LGSN: variants seen among roughly 807,000 people sequenced by gnomAD.
LGSN encodes lengsin.
LGSN carries 21 observed loss-of-function variants against 19.5 expected under a neutral mutation model. The observed-to-expected ratio is 1.07, with a 90% CI of 0.76 to 1.55. The LOEUF (loss-of-function observed/expected upper bound fraction) is 1.55, where lower values mean the gene tolerates loss of function less well. LGSN is among the 40% of genes most tolerant of loss of function. The pLI is 0.00. For missense variants in LGSN, 673 were observed against 608.5 expected (o/e 1.11, Z -1.12); for synonymous variants, 257 against 215.6 (o/e 1.19, Z -1.68).
intron 1 of LGSN, among the ~76,000 whole-genome samples, chr6:63,316,500 T>C (rs555803653): frequency 1.3e-4 from 20 of 152,280 alleles, no homozygotes; most frequent in Admixed American, 1.3e-3. Flanking sequence ...TAACACCATG[T>C]GATTTTGATA....
chr6:63,522,493 T>G, the LGSN span, among the ~76,000 whole-genome samples: 1 of 152,208 alleles, frequency 6.6e-6, no homozygotes, highest in African/African-American at 2.4e-5. Flanking sequence ...TCGCCAAGAC[T>G]GTATCCATGA....
chr6:63,313,968 GA>G (rs796116531), intron 1 of LGSN, among the ~76,000 whole-genome samples: 2 of 151,732 alleles, frequency 1.3e-5, no homozygotes, highest in Non-Finnish European at 2.9e-5. Context: ...GGAGAGAGTA[GA>G]AAAAAAATAA....
the LGSN span, among the ~76,000 whole-genome samples, chr6:63,335,520 G>A: frequency 6.6e-6 from 1 of 152,064 alleles, no homozygotes; most frequent in South Asian, 2.1e-4. Context: ...TTTCTCAAAA[G>A]AGACATACAA....
chr6:63,470,136 AAAGG>A, the LGSN span, among the ~76,000 whole-genome samples: 23 of 152,030 alleles, frequency 1.5e-4, no homozygotes, highest in South Asian at 4.2e-4. Flanking sequence ...AAAAAGAGAG[AAAGG>A]AAGGAAGGAA....
the LGSN span, among the ~76,000 whole-genome samples, chr6:63,545,610 C>CA: frequency 4.2e-4 from 59 of 141,986 alleles, no homozygotes; most frequent in Admixed American, 6.4e-4. Context: ...GACTCTGTCT[C>CA]AAAAAAAAAA....
the LGSN span, among the ~76,000 whole-genome samples, chr6:63,558,867 G>A: frequency 6.6e-6 from 1 of 152,162 alleles, no homozygotes; most frequent in Non-Finnish European, 1.5e-5. Context: ...ATAAAGATAT[G>A]GAATGAGTTG....
the LGSN span, among the ~76,000 whole-genome samples, chr6:63,401,210 T>G: frequency 1.3e-5 from 2 of 150,484 alleles, no homozygotes; most frequent in South Asian, 4.2e-4. Context: ...CTGGGTAACA[T>G]AGAGAGACCT....
At chr6:63,306,490 C>T (rs940090806) in intron 1 of LGSN, among the ~76,000 whole-genome samples, 2 of 152,144 alleles carry the variant, frequency 1.3e-5, no homozygotes, top group Non-Finnish European at 2.9e-5. Flanking sequence ...ACCAGTTTAA[C>T]CTTCATTAGT....
At chr6:63,540,104 T>A in the LGSN span, among the ~76,000 whole-genome samples, 7 of 152,088 alleles carry the variant, frequency 4.6e-5, no homozygotes, top group Non-Finnish European at 4.4e-5. Flanking sequence ...TGGGTATCCA[T>A]CCCTAAGACA....
At chr6:63,382,548 A>C in the LGSN span, among the ~76,000 whole-genome samples, 4 of 152,210 alleles carry the variant, frequency 2.6e-5, no homozygotes, top group African/African-American at 7.2e-5. Flanking sequence ...GCACCCATGC[A>C]TGTGTTACCT....
Position 63,277,601 on chromosome 6 carries a change from A to C in LGSN, c.*2420T>G, listed in dbSNP as rs568767729. The C allele has an allele frequency of 6.6e-6, 1 of 152,322 alleles. No homozygotes were observed. The highest frequency in any genetic ancestry group is 1.9e-4 in the East Asian group (1 of 5,178). The allele number at this position is 152,322 out of a possible 1,614,324, so 9.4% of individuals were successfully genotyped here. A position where few individuals can be genotyped will look rare whatever the true frequency, so the allele number is the denominator to read the frequency against. ...AAGTTTGGTTCTCTCTCAGGTAAAC[A>C]TCTGGATGTAGGCAAGTCAAACTGC... On this transcript the variant is annotated 3_prime_UTR_variant, in exon 4 of 4. Transcript: ENST00000370657.
At chr6:63,331,225 T>C in the LGSN span, among the ~76,000 whole-genome samples, 1 of 152,134 alleles carries the variant, frequency 6.6e-6, no homozygotes, top group Non-Finnish European at 1.5e-5. Context: ...GGGATGTAAA[T>C]TGCAAGCTTT....
At chr6:63,428,620 G>A in the LGSN span, among the ~76,000 whole-genome samples, 32 of 152,258 alleles carry the variant, frequency 2.1e-4, no homozygotes, top group African/African-American at 7.7e-4. Flanking sequence ...CAACATGTTG[G>A]GATAACAGGC....
the LGSN span, among the ~76,000 whole-genome samples, chr6:63,325,107 A>G: frequency 1.4e-5 from 2 of 140,200 alleles, no homozygotes; most frequent in Non-Finnish European, 3.0e-5. Flanking sequence ...CTGTCTCAAA[A>G]AAAAAAAAAA....
the LGSN span, among the ~76,000 whole-genome samples, chr6:63,423,241 T>C: frequency 6.6e-6 from 1 of 152,110 alleles, no homozygotes; most frequent in Admixed American, 6.6e-5. Flanking sequence ...AGCTACTCAG[T>C]AGGCTGAGGT....
chr6:63,557,679 T>C, the LGSN span, among the ~76,000 whole-genome samples: 1 of 152,164 alleles, frequency 6.6e-6, no homozygotes, highest in Admixed American at 6.6e-5. Flanking sequence ...ATGTGGCATC[T>C]ATGTTAGAAA....
the LGSN span, among the ~76,000 whole-genome samples, chr6:63,390,670 C>T: frequency 2.0e-5 from 3 of 151,202 alleles, no homozygotes; most frequent in Non-Finnish European, 3.0e-5. Context: ...TCCTGGCTAA[C>T]ACGGTGAAAC....
chr6:63,542,843 C>T, the LGSN span, among the ~76,000 whole-genome samples: 2 of 152,140 alleles, frequency 1.3e-5, no homozygotes, highest in Non-Finnish European at 2.9e-5. Flanking sequence ...CCACCTCCAC[C>T]CCTACCTGAT....
chr6:63,436,980 T>C, the LGSN span, among the ~76,000 whole-genome samples: 1 of 144,122 alleles, frequency 6.9e-6, no homozygotes, highest in Non-Finnish European at 1.5e-5. Flanking sequence ...TAGGTTGCAG[T>C]GAGCCAAGAT....
Sources: gnomAD v4.1 joint callset for allele counts (sites outside exome capture counted in the v4.1 genomes callset) on GRCh38, gnomAD v4.1.1 for gene constraint, MANE v1.5 for transcripts, NCBI Gene and HGNC (gene_info 2026-07-23, HGNC 2026-07-21) for gene names.